ALMS1: variants seen among roughly 807,000 people sequenced by gnomAD.
ALMS1 encodes the protein ALMS1 centrosome and basal body associated protein.
A neutral mutation model predicts 352.2 loss-of-function variants in ALMS1; 271 were observed. The observed-to-expected ratio is 0.77, with a 90% CI of 0.70 to 0.85. The LOEUF is 0.85. Among genes scored for constraint, ALMS1 ranks in the 40% least tolerant of loss-of-function variants. The pLI is 0.00. For missense variants in ALMS1, 5,445 were observed against 4,870.7 expected (o/e 1.12, Z -3.51); for synonymous variants, 1,865 against 1,761.2 (o/e 1.06, Z -1.48).
chr2:73,573,498 G>C (rs1359372974), intron 16 of ALMS1, 74 bp downstream of exon 16: 1 of 1,524,104 alleles, frequency 6.6e-7, no homozygotes, highest in Admixed American at 1.8e-5. Flanking sequence ...TTTGCACACA[G>C]GTGAAAAAAA....
intron 21 of ALMS1, chr2:73,603,685 C>T (rs1482918961): frequency 3.7e-6 from 1 of 273,724 alleles, no homozygotes; most frequent in Non-Finnish European, 7.1e-6. Context: ...CATGGTGAAA[C>T]TCCATCTCTA....
At chr2:73,445,897 C>G (rs1415070985) in intron 7 of ALMS1, among the ~76,000 whole-genome samples, 4 of 152,262 alleles carry the variant, frequency 2.6e-5, no homozygotes, top group Admixed American at 2.6e-4. Context: ...ATTGTTAACA[C>G]TCACACTTAG....
At chr2:73,491,903 GCT>G (rs1354277531) in intron 10 of ALMS1, among the ~76,000 whole-genome samples, 2 of 151,962 alleles carry the variant, frequency 1.3e-5, no homozygotes, top group Non-Finnish European at 2.9e-5. Flanking sequence ...CTCTTCTCCA[GCT>G]CTCTGGTTCC....
rs145118145 is a variant in ALMS1 at position 73,599,342 on chromosome 2, G to A, written c.11548-59G>A. ...GAGGACTTGTTGGCTTGCTTATCCT[G>A]TGGATAACTGTGACATTGACTGCAG... On this transcript the variant is annotated intron_variant, in intron 16 of 22. Coordinates refer to ENST00000613296, the MANE Select transcript of ALMS1 (RefSeq NM_001378454.1). The A allele has an allele frequency of 3.6e-5, 58 of 1,601,148 alleles. No homozygotes were observed. The East Asian group carries it at 1.0e-3, about 28-fold the overall frequency.
At chr2:73,445,611 A>G (rs956887110) in intron 7 of ALMS1, among the ~76,000 whole-genome samples, 2 of 145,370 alleles carry the variant, frequency 1.4e-5, no homozygotes, top group African/African-American at 5.1e-5. Flanking sequence ...GTCAGAATAT[A>G]CTTGGGGAAA....
Position 73,491,390 on chromosome 2 carries a change from C to T in ALMS1, c.9431C>T (p.Thr3144Ile). ...DSNTITQDLK[T>I]IPSQNSQIVT... is the part of the protein sequence containing the mutation. ...AACACTATTACTCAGGACTTGAAAA[C>T]CATACCTTCTCAGAATAGCCAGATA... The change falls in exon 10 of 23, where the codon ACC becomes ATC. Residue 3144 changes from threonine to isoleucine, a missense_variant. Thr to Ile is a moderately conservative substitution (Grantham distance 89). Coordinates refer to ENST00000613296, the MANE Select transcript of ALMS1 (RefSeq NM_001378454.1). 3 of 1,614,162 alleles carry T rather than the reference C, an allele frequency of 1.9e-6. No homozygotes were observed. The highest frequency in any genetic ancestry group is 1.6e-4 in the Middle Eastern group (1 of 6,062).
intron 22 of ALMS1, 27 bp downstream of exon 22, chr2:73,608,601 G>C (rs745779306): frequency 1.9e-6 from 3 of 1,558,344 alleles, no homozygotes; most frequent in Non-Finnish European, 2.7e-6. Context: ...TCTAGAGTGG[G>C]ATGGATCAGG....
chr2:73,415,279 T>C (rs1285400933), intron 2 of ALMS1, among the ~76,000 whole-genome samples: 1 of 152,188 alleles, frequency 6.6e-6, no homozygotes, highest in Non-Finnish European at 1.5e-5. Flanking sequence ...TAAAAAAGGT[T>C]GAACAGAGGT....
At chr2:73,432,510 C>G (rs1338575422) in intron 7 of ALMS1, among the ~76,000 whole-genome samples, 1 of 147,320 alleles carries the variant, frequency 6.8e-6, no homozygotes, top group African/African-American at 2.7e-5. Flanking sequence ...TTGTTTCTTG[C>G]AGTTCTAGAG....
In ALMS1 at chr2:73,519,839, AC is replaced by A; in HGVS notation, c.9605del (p.Thr3202IlefsTer3). 6.2e-7 allele frequency: 1 copy of A among 1,613,894 alleles called. No homozygotes were observed. On this transcript the variant is annotated frameshift_variant, in exon 11 of 23. Transcript: ENST00000613296. LOFTEE classifies it high-confidence loss of function. ...FSEKLSSDAV[T>X]QITTESPEKT... ...TGAAAAATTGTCATCTGATGCAGTC[AC>A]TCAGATAACAACAGAAAGTCCAGAA...
At chr2:73,584,364 T>C (rs1388122323) in intron 16 of ALMS1, among the ~76,000 whole-genome samples, 1 of 152,208 alleles carries the variant, frequency 6.6e-6, no homozygotes, top group Non-Finnish European at 1.5e-5. Context: ...TATTTAAATA[T>C]AGGGTCAGTA....
At chr2:73,484,164 A>G (rs1203639964) in intron 9 of ALMS1, among the ~76,000 whole-genome samples, 1 of 151,550 alleles carries the variant, frequency 6.6e-6, no homozygotes, top group Non-Finnish European at 1.5e-5. Flanking sequence ...GTTTCTTCCT[A>G]GTCTTGATGG....
rs750386293 is a variant in ALMS1 at position 73,519,762 on chromosome 2, C to CT, written c.9540-7dup. The CT allele has an allele frequency of 5.6e-6, 9 of 1,613,830 alleles. No homozygotes were observed. In the Admixed American group the frequency reaches 1.0e-4, roughly 18 times the overall value. ...GGATATAATCTGCTGTATTCTTTCT[C>CT]TTTTTTGGTCAGATTACCAGAGAAG... On this transcript the variant is annotated splice_polypyrimidine_tract_variant and intron_variant, in intron 10 of 22. Coordinates refer to ENST00000613296, the MANE Select transcript of ALMS1 (RefSeq NM_001378454.1).
intron 11 of ALMS1, 122 bp from the exon 12 acceptor site, chr2:73,534,701 CT>C: frequency 7.2e-6 from 7 of 978,686 alleles, no homozygotes; most frequent in Non-Finnish European, 1.1e-5. Context: ...ATACATTTCT[CT>C]TTGTTTACTC....
intron 6 of ALMS1, among the ~76,000 whole-genome samples, chr2:73,431,039 T>G (rs1671489420): frequency 6.6e-6 from 1 of 152,114 alleles, no homozygotes; most frequent in African/African-American, 2.4e-5. Context: ...GCCTTATCAT[T>G]TTGAGTTGGA....
intron 17 of ALMS1, among the ~76,000 whole-genome samples, 171 bp from the exon 18 acceptor site, chr2:73,600,507 C>T (rs562716630): frequency 6.6e-6 from 1 of 152,118 alleles, no homozygotes; most frequent in East Asian, 1.9e-4. Context: ...CTCTTTTTCC[C>T]TCCTACTCTC....
Position 73,573,354 on chromosome 2 carries a change from A to G in ALMS1, c.11477A>G (p.His3826Arg), listed in dbSNP as rs371105298. 2.5e-5 allele frequency: 41 copies of G among 1,613,984 alleles called. No individual in the cohort carries two copies. The highest frequency in any genetic ancestry group is 4.5e-5 in the East Asian group (2 of 44,890). Residue 3826 changes from histidine to arginine, a missense_variant, in exon 16 of 23, where the codon CAC becomes CGC. His to Arg is a conservative substitution (Grantham distance 29). Transcript: ENST00000613296. ...AGATACCTTGAGAAGCGGAGCAAAC[A>G]CAGCAAGAAAGTGCTGAATACAGGT... ...QRRYLEKRSK[H>R]SKKVLNTGHP...
chr2:73,427,535 C>T (rs926590084), intron 6 of ALMS1, among the ~76,000 whole-genome samples: 3 of 151,684 alleles, frequency 2.0e-5, no homozygotes, highest in Admixed American at 6.6e-5. Context: ...ATGTGCAGAA[C>T]GTGCAGGTTT....
chr2:73,433,274 T>C (rs1435580245), intron 7 of ALMS1, among the ~76,000 whole-genome samples: 1 of 152,216 alleles, frequency 6.6e-6, no homozygotes, highest in African/African-American at 2.4e-5. Context: ...ATTACAGTAT[T>C]GATCCTTGGT....
Sources: allele counts gnomAD v4.1 joint callset (sites outside exome capture counted in the v4.1 genomes callset), GRCh38; gene constraint gnomAD v4.1.1; transcripts MANE v1.5; gene names NCBI Gene and HGNC (gene_info 2026-07-23, HGNC 2026-07-21).